The following WDR25 variants were observed in gnomAD, a reference collection of about 807,000 sequenced individuals.
The protein encoded by WDR25 is WD repeat domain 25.
In WDR25, 35 loss-of-function variants were observed where a neutral mutation model predicts 47.7. The observed-to-expected ratio is 0.73, with a 90% CI of 0.56 to 0.97. The LOEUF (loss-of-function observed/expected upper bound fraction) is 0.97, where lower values mean the gene tolerates loss of function less well. WDR25 is among the 50% of genes least tolerant of loss of function. The pLI is 0.00. For synonymous variants in WDR25, 248 were observed against 278.9 expected (o/e 0.89, Z 1.10); for missense variants, 634 against 704.7 (o/e 0.90, Z 1.14).
intron 2 of WDR25, among the ~76,000 whole-genome samples, chr14:100,438,665 G>A (rs2140243005): frequency 6.6e-6 from 1 of 152,282 alleles, no homozygotes; most frequent in East Asian, 1.9e-4. Flanking sequence ...TTTGAAGTTA[G>A]GTTTGATTCT....
rs202149487 is a variant in WDR25, at chr14:100,451,310, T to TGG, written c.823-16710_823-16709dup. On this transcript the variant is annotated intron_variant, in intron 2 of 6. Transcript: ENST00000402312. Reference sequence around the variant, plus strand: ...AGGCTGGAGTGCAGTGGTGCAATCATGGCTTACTGCAGCCTTGACTTCCTG... The same window carrying TGG: ...AGGCTGGAGTGCAGTGGTGCAATCATGGGGCTTACTGCAGCCTTGACTTCCTG... 3.1e-3 allele frequency among the ~76,000 whole-genome samples: 474 copies of TGG among 151,482 alleles called. 4 individuals are homozygous for TGG. Among genetic ancestry groups the TGG allele is most frequent in the African/African-American group, 0.011 (443 of 41,236 alleles).
In WDR25 at chr14:100,381,610, A is replaced by G. The variant is rs1184435387; in HGVS notation, c.686A>G (p.Tyr229Cys). ...ATTCAGCCATATTTGAATAGCCATT[A>G]TAAAGAAACCACAGTTCCCCGGAAA... ...EFIQPYLNSHYKETTVPRKVL... is the reference protein window; with the variant it reads ...EFIQPYLNSHCKETTVPRKVL... Residue 229 changes from tyrosine to cysteine, a missense_variant, in exon 2 of 7, where the codon TAT becomes TGT. Transcript: ENST00000402312. The G allele has an allele frequency of 6.2e-7, 1 of 1,608,526 alleles. No homozygotes were observed. The highest frequency in any genetic ancestry group is 1.7e-5 in the Admixed American group (1 of 59,768).
chr14:100,487,307 C>G (rs2140325925), intron 4 of WDR25, among the ~76,000 whole-genome samples: 1 of 152,314 alleles, frequency 6.6e-6, no homozygotes, highest in Non-Finnish European at 1.5e-5. Context: ...AAACTTTTGC[C>G]ATTTAAAATT....
chr14:100,428,456 G>A lies in WDR25; in HGVS notation c.823-39565G>A, dbSNP rs554530416. On this transcript the variant is annotated intron_variant, in intron 2 of 6. Coordinates refer to ENST00000402312, the MANE Select transcript of WDR25 (RefSeq NM_001161476.3). This position sits in a 1 kb window ranked among gnomAD's most constrained non-coding sequence, Gnocchi z 4.3. Reference sequence around the variant, plus strand: ...TGGGCAGCCATTTTAGCCTTTCTGGGCCTCAGCGTCCTCCTCTGTGGATGG... The same window carrying A: ...TGGGCAGCCATTTTAGCCTTTCTGGACCTCAGCGTCCTCCTCTGTGGATGG... Among the ~76,000 whole-genome samples, 39 of 152,316 alleles carry A rather than the reference G, an allele frequency of 2.6e-4. No individual in the cohort carries two copies. The highest frequency in any genetic ancestry group is 4.9e-4 in the Non-Finnish European group (33 of 68,036).
chr14:100,412,973 G>A (rs536429893), intron 2 of WDR25, among the ~76,000 whole-genome samples: 1 of 152,164 alleles, frequency 6.6e-6, no homozygotes, highest in East Asian at 1.9e-4. Context: ...GGGATTACAG[G>A]CACCCACCAC....
chr14:100,510,553 T>C (rs1257060383), intron 4 of WDR25, among the ~76,000 whole-genome samples: 1 of 151,676 alleles, frequency 6.6e-6, no homozygotes, highest in Non-Finnish European at 1.5e-5. Context: ...CTGGCCAACA[T>C]GGTGAAACCC....
At chr14:100,420,258 C>T (rs1227941675) in intron 2 of WDR25, among the ~76,000 whole-genome samples, 2 of 152,276 alleles carry the variant, frequency 1.3e-5, no homozygotes, top group African/African-American at 4.8e-5. Flanking sequence ...CTTGGACCTC[C>T]AGGCCCACAG....
intron 3 of WDR25, among the ~76,000 whole-genome samples, chr14:100,470,867 A>C (rs537918323): frequency 6.6e-6 from 1 of 152,162 alleles, no homozygotes; most frequent in Non-Finnish European, 1.5e-5. Flanking sequence ...GGGCATTACC[A>C]TCCAGTGGGG....
chr14:100,517,119 T>G (rs1595166780), intron 4 of WDR25, among the ~76,000 whole-genome samples: 1 of 144,932 alleles, frequency 6.9e-6, no homozygotes, highest in Non-Finnish European at 1.5e-5. Flanking sequence ...TTTTTTTTTT[T>G]TTTTTTTTTT....
At chr14:100,444,664 C>T (rs1898775358) in intron 2 of WDR25, among the ~76,000 whole-genome samples, 1 of 152,186 alleles carries the variant, frequency 6.6e-6, no homozygotes, top group Non-Finnish European at 1.5e-5. Flanking sequence ...GCCCCTGGGA[C>T]TATACAGAGG....
Position 100,381,588 on chromosome 14 carries a change from C to T in WDR25, c.664C>T (p.Gln222Ter). The T allele has an allele frequency of 1.2e-6, 2 of 1,609,754 alleles. No individual in the cohort carries two copies. Among genetic ancestry groups the T allele is most frequent in the Non-Finnish European group, 8.5e-7 (1 of 1,177,008 alleles). ...GGGCCCGGGAGTGTCTGAGTTTATT[C>T]AGCCATATTTGAATAGCCATTATAA... Reference protein sequence around the residue: ...YVGPGVSEFIQPYLNSHYKET... With the variant: ...YVGPGVSEFI Residue 222 changes from glutamine to a stop codon, truncating the protein, a stop_gained, in exon 2 of 7, where the codon CAG (glutamine) becomes TAG (stop). Transcript: ENST00000402312. LOFTEE classifies it high-confidence loss of function.
At chr14:100,492,821 A>G (rs1397502589) in intron 4 of WDR25, among the ~76,000 whole-genome samples, 1 of 152,130 alleles carries the variant, frequency 6.6e-6, no homozygotes, top group African/African-American at 2.4e-5. Context: ...AACTAAAAAA[A>G]TTTCTTTAGA....
rs1595090990 is a variant in WDR25, at chr14:100,440,786, T to G, written c.823-27235T>G. On this transcript the variant is annotated intron_variant, in intron 2 of 6. Coordinates refer to ENST00000402312, the MANE Select transcript of WDR25 (RefSeq NM_001161476.3). This position sits in a 1 kb window ranked among gnomAD's most constrained non-coding sequence, Gnocchi z 4.4. The stretch of plus-strand genomic sequence containing the variant: ...TTACGAAGGGACAGGCCGGGGGAGG[T>G]AACCACCTCGATAAATTCGTCAGCG... Among the ~76,000 whole-genome samples the G allele has an allele frequency of 6.6e-6, 1 of 152,008 alleles. No homozygotes were observed. Among genetic ancestry groups the G allele is most frequent in the South Asian group, 2.1e-4 (1 of 4,830 alleles).
chr14:100,527,283 C>T (rs936528367), intron 5 of WDR25, among the ~76,000 whole-genome samples: 2 of 151,966 alleles, frequency 1.3e-5, no homozygotes, highest in Non-Finnish European at 2.9e-5. Flanking sequence ...GTGATTGTCA[C>T]CACCACCATC....
chr14:100,471,318 C>G (rs926132541), intron 3 of WDR25, among the ~76,000 whole-genome samples: 8 of 152,154 alleles, frequency 5.3e-5, no homozygotes, highest in Non-Finnish European at 1.2e-4. Context: ...CCAGGTCCTC[C>G]TATCTGGGCA....
At chr14:100,455,447 C>T (rs1899170561) in intron 2 of WDR25, 1 of 151,504 alleles carries the variant, frequency 6.6e-6, no homozygotes, top group South Asian at 2.1e-4. Context: ...AATTGAGCTC[C>T]AGAAGAGAGG....
Position 100,380,988 on chromosome 14 carries a change from G to T in WDR25, c.64G>T (p.Ala22Ser). 6.2e-7 allele frequency: 1 copy of T among 1,614,240 alleles called. No individual in the cohort carries two copies. The highest frequency in any genetic ancestry group is 2.2e-5 in the East Asian group (1 of 44,880). ...AGCGTATGATGATTCGGACTCGGAG[G>T]CTGAGACAGAGCATGCAGGAAGTTT... The part of the protein sequence containing the change: ...LVAYDDSDSE[A>S]ETEHAGSFNA... Residue 22 changes from alanine (A) to serine (S), a missense_variant, in exon 2 of 7, where the codon GCT becomes TCT. Ala to Ser is a moderately conservative substitution (Grantham distance 99). Transcript: ENST00000402312.
rs1898308196 is a variant in WDR25 at position 100,430,763 on chromosome 14, G to A, written c.823-37258G>A. On this transcript the variant is annotated intron_variant, in intron 2 of 6. Coordinates refer to ENST00000402312, the MANE Select transcript of WDR25 (RefSeq NM_001161476.3). This position sits in a 1 kb window ranked among gnomAD's most constrained non-coding sequence, Gnocchi z 4.7. The stretch of plus-strand genomic sequence containing the variant: ...AAGCCCATGCTGACGTGCGGAGTGG[G>A]CCTGCACAGATGAGGCTTGCTTCGT... Among the ~76,000 whole-genome samples, 1 of 152,174 alleles carries A rather than the reference G, an allele frequency of 6.6e-6. No individual in the cohort carries two copies. The highest frequency in any genetic ancestry group is 2.4e-5 in the African/African-American group (1 of 41,434).
chr14:100,399,335 G>A (rs955246041), intron 2 of WDR25, among the ~76,000 whole-genome samples: 4 of 152,040 alleles, frequency 2.6e-5, no homozygotes, highest in African/African-American at 9.7e-5. Context: ...TGATTTTTCC[G>A]ACAAAAGTCC....
Sources: gnomAD v4.1 joint callset for allele counts (sites outside exome capture counted in the v4.1 genomes callset) on GRCh38, gnomAD v4.1.1 for gene constraint, Gnocchi (gnomAD v3.1) non-coding constraint, MANE v1.5 for transcripts, NCBI Gene and HGNC (gene_info 2026-07-23, HGNC 2026-07-21) for gene names.